The following PLEKHA5 variants were observed in gnomAD, a reference collection of about 807,000 sequenced individuals.
PLEKHA5 encodes pleckstrin homology domain-containing family A member 5.
In PLEKHA5, 55 loss-of-function variants were observed where a neutral mutation model predicts 181.9. That is an observed-to-expected ratio of 0.30 (90% confidence interval 0.24 to 0.38). The LOEUF (loss-of-function observed/expected upper bound fraction) is 0.38. Among genes scored for constraint, PLEKHA5 ranks in the 10% least tolerant of loss-of-function variants. The probability of loss-of-function intolerance (pLI) is 1.00; values close to 1 mark genes in which losing one functional copy is unlikely to be tolerated. For synonymous variants in PLEKHA5, 535 were observed against 529.4 expected, an observed-to-expected ratio of 1.01 and a Z score of -0.15; for missense variants, 1,432 against 1,549.5, an observed-to-expected ratio of 0.92 and a Z score of 1.27.
intron 15 of PLEKHA5, among the ~76,000 whole-genome samples, chr12:19,304,871 G>C (rs889907613): frequency 6.6e-5 from 10 of 151,898 alleles, no homozygotes; most frequent in African/African-American, 2.4e-4. Context: ...AACACGGGTG[G>C]ATCTCTTGAG....
chr12:19,258,092 G>T (rs2067339933), intron 6 of PLEKHA5, among the ~76,000 whole-genome samples: 1 of 151,796 alleles, frequency 6.6e-6, no homozygotes, highest in South Asian at 2.1e-4. Flanking sequence ...CTCATACAGG[G>T]TTTACTCTCA....
intron 23 of PLEKHA5, 130 bp from the exon 24 acceptor site, chr12:19,346,864 G>A (rs2094358823): frequency 3.6e-6 from 2 of 549,004 alleles, no homozygotes; most frequent in African/African-American, 1.9e-5. Flanking sequence ...TTCATTATTA[G>A]ACTTTTGGCT....
At chr12:19,198,829 GCAGGAATAGTTATCCC>G (rs1199516040) in intron 3 of PLEKHA5, among the ~76,000 whole-genome samples, 1 of 152,124 alleles carries the variant, frequency 6.6e-6, no homozygotes, top group Non-Finnish European at 1.5e-5. Flanking sequence ...TTAGCAGAAT[GCAGGAATAGTTATCCC>G]CATTTTTTTA....
intron 3 of PLEKHA5, among the ~76,000 whole-genome samples, chr12:19,223,000 CTTTTTTTTTT>C (rs62719560): frequency 7.8e-6 from 1 of 128,928 alleles, no homozygotes; most frequent in African/African-American, 2.9e-5. Flanking sequence ...GAAATTTTGT[CTTTTTTTTTT>C]TTTTTTTTTC....
intron 10 of PLEKHA5, among the ~76,000 whole-genome samples, chr12:19,271,264 A>G (rs546969535): frequency 2.6e-5 from 4 of 152,292 alleles, no homozygotes; most frequent in African/African-American, 9.6e-5. Flanking sequence ...TAATTCTAGC[A>G]CTTTGGGAGG....
At chr12:19,190,046 CCTT>C (rs1237073357) in intron 3 of PLEKHA5, among the ~76,000 whole-genome samples, 2 of 152,188 alleles carry the variant, frequency 1.3e-5, no homozygotes, top group Non-Finnish European at 2.9e-5. Context: ...TTCATTTCCT[CCTT>C]GTGTCGTATA....
chr12:19,218,600 G>A (rs1019414063), intron 3 of PLEKHA5, among the ~76,000 whole-genome samples: 12 of 152,074 alleles, frequency 7.9e-5, no homozygotes, highest in Non-Finnish European at 1.0e-4. Context: ...CAAAAATCCT[G>A]TAGAATAAAA....
chr12:19,312,429 T>A (rs2086888445), intron 15 of PLEKHA5, among the ~76,000 whole-genome samples: 1 of 152,232 alleles, frequency 6.6e-6, no homozygotes, highest in South Asian at 2.1e-4. Flanking sequence ...ATCATTGAAT[T>A]CAGCCACCTT....
intron 3 of PLEKHA5, among the ~76,000 whole-genome samples, chr12:19,175,782 T>G (rs571701266): frequency 3.8e-4 from 58 of 152,334 alleles, no homozygotes; most frequent in African/African-American, 1.3e-3. Context: ...CTTTCCCTTA[T>G]TTTGAAATAA....
At chr12:19,354,347 G>T (rs1350279443) in intron 26 of PLEKHA5, among the ~76,000 whole-genome samples, 5 of 147,270 alleles carry the variant, frequency 3.4e-5, no homozygotes, top group Non-Finnish European at 6.0e-5. Context: ...TAGAGACGGG[G>T]TTTCACCGTG....
intron 30 of PLEKHA5, 104 bp downstream of exon 30, chr12:19,366,213 G>A: frequency 1.1e-6 from 1 of 911,536 alleles, no homozygotes; most frequent in South Asian, 1.5e-5. Context: ...TAAGTACCTT[G>A]ACTACAGATG....
chr12:19,365,121 C>T (rs1422608214), intron 29 of PLEKHA5, among the ~76,000 whole-genome samples: 1 of 152,058 alleles, frequency 6.6e-6, no homozygotes, highest in Non-Finnish European at 1.5e-5. Context: ...CCTGTAATCC[C>T]ACCACTTTGG....
At chr12:19,348,647 G>C (rs562025929) in intron 25 of PLEKHA5, 128 bp downstream of exon 25, 273 of 565,232 alleles carry the variant, frequency 4.8e-4, no homozygotes, top group Non-Finnish European at 7.1e-4. Flanking sequence ...GAAACCTTTG[G>C]ACTCTGATGA....
At chr12:19,210,178 C>T (rs2056621832) in intron 3 of PLEKHA5, among the ~76,000 whole-genome samples, 1 of 152,144 alleles carries the variant, frequency 6.6e-6, no homozygotes. Context: ...AGTGTTTTAA[C>T]CTTAATGGAG....
chr12:19,314,210 A>C (rs1018869286), intron 15 of PLEKHA5, among the ~76,000 whole-genome samples: 8 of 152,190 alleles, frequency 5.3e-5, no homozygotes, highest in African/African-American at 1.9e-4. Context: ...AGACATACCA[A>C]GTCTTTGCTG....
In PLEKHA5 at chr12:19,247,934, A is replaced by G. The variant is rs1232478264; in HGVS notation, c.228-6006A>G. Among the ~76,000 whole-genome samples the G allele has an allele frequency of 2.0e-5, 3 of 148,548 alleles. No homozygotes were observed. The East Asian group carries it at 5.9e-4, about 29-fold the overall frequency. On this transcript the variant is annotated intron_variant, in intron 3 of 31. Coordinates refer to ENST00000429027, the MANE Select transcript of PLEKHA5 (RefSeq NM_001256470.2). ...TTTAATTTAAATTTAATTAAAAAAA[A>G]AAGAGAGAGAGAGAGAGAGACAAGG...
chr12:19,225,962 C>G (rs2059628126), intron 3 of PLEKHA5, among the ~76,000 whole-genome samples: 1 of 152,180 alleles, frequency 6.6e-6, no homozygotes, highest in Non-Finnish European at 1.5e-5. Flanking sequence ...TGCACATCTT[C>G]CTTCAGATCT....
At chr12:19,321,498 G>A (rs575687625) in intron 18 of PLEKHA5, 67 of 149,104 alleles carry the variant, frequency 4.5e-4, no homozygotes, top group African/African-American at 1.3e-3. Context: ...CAAATAGCTG[G>A]GATCACGGGA....
At chr12:19,164,858 T>C (rs1479389540) in intron 3 of PLEKHA5, among the ~76,000 whole-genome samples, 2 of 152,176 alleles carry the variant, frequency 1.3e-5, no homozygotes, top group Non-Finnish European at 1.5e-5. Context: ...AAACCCTTTT[T>C]TTCCATTTCT....
Sources: allele counts gnomAD v4.1 joint callset (sites outside exome capture counted in the v4.1 genomes callset), GRCh38; gene constraint gnomAD v4.1.1; transcripts MANE v1.5; gene names NCBI Gene and HGNC (gene_info 2026-07-23, HGNC 2026-07-21).